PTPRU: variants seen among roughly 807,000 people sequenced by gnomAD.
PTPRU encodes protein tyrosine phosphatase receptor type U, also known as receptor-type tyrosine-protein phosphatase U.
PTPRU carries 69 observed loss-of-function variants against 166.3 expected under a neutral mutation model. The observed-to-expected ratio is 0.41, with a 90% confidence interval of 0.34 to 0.51. The LOEUF is 0.51. PTPRU is among the 20% of genes least tolerant of loss of function. PTPRU has a pLI of 0.09. For synonymous variants in PTPRU, 793 were observed against 814.0 expected (o/e 0.97, Z 0.44); for missense variants, 1,657 against 2,013.7 (o/e 0.82, Z 3.39).
At chr1:29,316,830 C>T (rs1357524691) in intron 24 of PTPRU, among the ~76,000 whole-genome samples, 1 of 152,180 alleles carries the variant, frequency 6.6e-6, no homozygotes, top group Non-Finnish European at 1.5e-5. Flanking sequence ...AGGTGGAGCT[C>T]ACTGATTGCC....
chr1:29,258,567 C>T lies in PTPRU; in HGVS notation c.268C>T (p.Gln90Ter). Reference sequence around the variant, plus strand: ...AGGCCAGCGAGCCCATGTCATCTTCCAGAGCCTGAGCGAGAATGATACCCA... The same window carrying T: ...AGGCCAGCGAGCCCATGTCATCTTCTAGAGCCTGAGCGAGAATGATACCCA... ...APGQRAHVIF[Q>*]SLSENDTHCV... The change falls in exon 3 of 30, where the codon CAG becomes TAG. Residue 90 changes from glutamine to a stop codon, truncating the protein, a stop_gained. Coordinates refer to ENST00000373779, the MANE Select transcript of PTPRU (RefSeq NM_133178.4). LOFTEE classifies it high-confidence loss of function. The T allele has an allele frequency of 6.2e-7, 1 of 1,614,246 alleles. No homozygotes were observed. The highest frequency in any genetic ancestry group is 8.5e-7 in the Non-Finnish European group (1 of 1,180,040).
chr1:29,313,153 C>T (rs1479408976), intron 22 of PTPRU, among the ~76,000 whole-genome samples: 3 of 152,174 alleles, frequency 2.0e-5, no homozygotes, highest in Non-Finnish European at 2.9e-5. Context: ...GACTGGCTCC[C>T]GTGACCCCAG....
intron 1 of PTPRU, among the ~76,000 whole-genome samples, chr1:29,253,002 C>T (rs912046291): frequency 6.6e-6 from 1 of 152,158 alleles, no homozygotes; most frequent in Non-Finnish European, 1.5e-5. Context: ...AACTTCTGGC[C>T]GACCCGCTGC....
chr1:29,282,367 T>C lies in PTPRU; in HGVS notation c.1869-309T>C, dbSNP rs79528371. On this transcript the variant is annotated intron_variant, in intron 11 of 29. Transcript: ENST00000373779. ...GCTGGGGCCTTATGGCTTGGTTATA[T>C]TGAGCAGGGTCCACGATCCTCTTAG... is the stretch of plus-strand genomic sequence containing the variant. 9.6e-3 allele frequency among the ~76,000 whole-genome samples: 1,457 copies of C among 152,326 alleles called. 13 individuals carry two copies. Among genetic ancestry groups the C allele is most frequent in the Admixed American group, 0.015 (227 of 15,306 alleles).
rs545749829 is a variant in PTPRU at position 29,312,759 on chromosome 1, T to A, written c.3227+53T>A. On this transcript the variant is annotated intron_variant, in intron 22 of 29. Transcript: ENST00000373779. ...AAAGGGGCCCTTCTCCCTGGGAATT[T>A]GGGCTTGGGGTCAGGTTGGTTCAGG... 4.3e-5 allele frequency: 67 copies of A among 1,554,906 alleles called. No individual in the cohort carries two copies. In the South Asian group the frequency reaches 7.9e-4, roughly 18 times the overall value.
At position 29,317,030 on chromosome 1, in the gene PTPRU, G is replaced by T. The variant is rs1687929202; in HGVS notation, c.3514-718G>T. 6.6e-6 allele frequency among the ~76,000 whole-genome samples: 1 copy of T among 152,142 alleles called. No individual in the cohort carries two copies. Among genetic ancestry groups the T allele is most frequent in the African/African-American group, 2.4e-5 (1 of 41,430 alleles). ...GCTCAGCAGGATGGCACGTGCTGGG[G>T]ACCTGGCACTTCTCACAGGAGGTGC... On this transcript the variant is annotated intron_variant, in intron 24 of 29. Coordinates refer to ENST00000373779, the MANE Select transcript of PTPRU (RefSeq NM_133178.4). The surrounding 1 kb of genome is among the most constrained non-coding windows in gnomAD (Gnocchi z 5.6).
In PTPRU at chr1:29,315,270, C is replaced by G. The variant is rs1284487851; in HGVS notation, c.3228-102C>G. On this transcript the variant is annotated intron_variant, in intron 22 of 29. Transcript: ENST00000373779. The surrounding 1 kb of genome is among the most constrained non-coding windows in gnomAD (Gnocchi z 4.5). ...GCAGTCATCTCTGTGTCCGTGTCCC[C>G]TGTATGGTGTAGACATGGCCAGTGC... 2.8e-6 allele frequency: 4 copies of G among 1,453,496 alleles called. No homozygotes were observed. The highest frequency in any genetic ancestry group is 3.8e-6 in the Non-Finnish European group (4 of 1,055,866). 90.0% of individuals were successfully genotyped at this position (1,453,496 alleles called of 1,614,324 possible).
At chr1:29,244,959 G>A (rs1051002556) in intron 1 of PTPRU, among the ~76,000 whole-genome samples, 1 of 152,072 alleles carries the variant, frequency 6.6e-6, no homozygotes, top group African/African-American at 2.4e-5. Context: ...TAGTGGTGGG[G>A]ACGGGGGTGG....
chr1:29,255,365 G>A lies in PTPRU; in HGVS notation c.164G>A (p.Arg55Gln). Reference sequence around the variant, plus strand: ...GATGACTTCCAGTGGGAGCAAGTGCGAATCCACCCTGGCACCCGGGCACCT... The same window carrying A: ...GATGACTTCCAGTGGGAGCAAGTGCAAATCCACCCTGGCACCCGGGCACCT... ...QYDDFQWEQVRIHPGTRAPAD... is the reference protein window; with the variant it reads ...QYDDFQWEQVQIHPGTRAPAD... The change falls in exon 2 of 30, where the codon CGA becomes CAA. Residue 55 changes from arginine to glutamine, a missense_variant. Arg to Gln is a conservative substitution (Grantham distance 43). Coordinates refer to ENST00000373779, the MANE Select transcript of PTPRU (RefSeq NM_133178.4). 1.9e-6 allele frequency: 3 copies of A among 1,614,156 alleles called. No individual in the cohort carries two copies. The highest frequency in any genetic ancestry group is 1.1e-5 in the South Asian group (1 of 91,074).
chr1:29,275,031 C>T (rs1685730204), intron 7 of PTPRU, among the ~76,000 whole-genome samples: 1 of 138,572 alleles, frequency 7.2e-6, no homozygotes, highest in African/African-American at 2.8e-5. Flanking sequence ...TCCTGGGTGA[C>T]AGAGTGAGCC....
chr1:29,242,516 T>G (rs1237878998), intron 1 of PTPRU, among the ~76,000 whole-genome samples: 1 of 152,226 alleles, frequency 6.6e-6, no homozygotes, highest in East Asian at 1.9e-4. Context: ...TCCTGAGTCA[T>G]GTATGGGTAT....
At position 29,321,218 on chromosome 1, in the gene PTPRU, T is replaced by TTC. The variant is rs1373897143; in HGVS notation, c.3828+394_3828+395dup. ...CTGATTTTTTTTTTTTTTTTTTTTT[T>TTC]TCAGTAGAGACAAGGTCTCACTGTG... is the stretch of plus-strand genomic sequence containing the variant. On this transcript the variant is annotated intron_variant, in intron 26 of 29. Coordinates refer to ENST00000373779, the MANE Select transcript of PTPRU (RefSeq NM_133178.4). 1.1e-3 allele frequency among the ~76,000 whole-genome samples: 171 copies of TTC among 148,994 alleles called. 2 individuals carry two copies. Among genetic ancestry groups the TTC allele is most frequent in the Middle Eastern group, 0.01 (3 of 292 alleles).
intron 3 of PTPRU, 133 bp from the exon 4 acceptor site, chr1:29,259,128 G>A: frequency 9.8e-7 from 1 of 1,019,768 alleles, no homozygotes; most frequent in Non-Finnish European, 1.4e-6. Context: ...GGCTTGGGAG[G>A]GAGGGTCAGT....
At chr1:29,263,889 G>A (rs1165918201) in intron 7 of PTPRU, among the ~76,000 whole-genome samples, 1 of 151,982 alleles carries the variant, frequency 6.6e-6, no homozygotes, top group Non-Finnish European at 1.5e-5. Context: ...TATATTCTGA[G>A]TAGGCCGGGC....
intron 1 of PTPRU, among the ~76,000 whole-genome samples, chr1:29,245,216 TAA>T (rs1684239279): frequency 1.3e-5 from 2 of 152,202 alleles, no homozygotes; most frequent in Non-Finnish European, 2.9e-5. Flanking sequence ...TGCTCAGTTA[TAA>T]TACCTGGACA....
chr1:29,319,857 A>C (rs1688074093), intron 25 of PTPRU, among the ~76,000 whole-genome samples: 1 of 149,382 alleles, frequency 6.7e-6, no homozygotes, highest in Non-Finnish European at 1.5e-5. Context: ...GACATGGCAC[A>C]GGGTGGGGCA....
At chr1:29,323,088 G>T in intron 26 of PTPRU, 1 of 376,500 alleles carries the variant, frequency 2.7e-6, no homozygotes, top group Non-Finnish European at 5.0e-6. Flanking sequence ...TTAAGGTGTA[G>T]CTTTCTAGCT....
chr1:29,307,301 A>C (rs1687437782), intron 18 of PTPRU, among the ~76,000 whole-genome samples: 1 of 152,180 alleles, frequency 6.6e-6, no homozygotes, highest in Non-Finnish European at 1.5e-5. Context: ...CCATTTCAGC[A>C]GCCTGGCCAG....
intron 8 of PTPRU, among the ~76,000 whole-genome samples, chr1:29,277,979 G>A (rs377120470): frequency 4.0e-5 from 6 of 151,498 alleles, no homozygotes; most frequent in East Asian, 3.9e-4. Flanking sequence ...CCACTACGCC[G>A]GCTAATTTTT....
Sources: allele counts gnomAD v4.1 joint callset (sites outside exome capture counted in the v4.1 genomes callset), GRCh38; gene constraint gnomAD v4.1.1; non-coding constraint Gnocchi (gnomAD v3.1); transcripts MANE v1.5; gene names NCBI Gene and HGNC (gene_info 2026-07-23, HGNC 2026-07-21).